CACNA2D1: variants seen among roughly 807,000 people sequenced by gnomAD.
The protein encoded by CACNA2D1 is voltage-dependent calcium channel subunit alpha-2/delta-1.
CACNA2D1 carries 53 observed loss-of-function variants against 171.5 expected under a neutral mutation model. The ratio of observed to expected loss-of-function variants is 0.31; its 90% confidence interval spans 0.25 to 0.39. The LOEUF (loss-of-function observed/expected upper bound fraction) is 0.39, where lower values mean the gene tolerates loss of function less well. Ranked by LOEUF, CACNA2D1 falls within the 10% of genes least tolerant of loss-of-function variation. CACNA2D1 has a pLI of 1.00. For synonymous variants in CACNA2D1, 442 were observed against 443.1 expected (o/e 1.00, Z 0.03); for missense variants, 903 against 1,299.8 (o/e 0.69, Z 4.69).
chr7:82,443,664 A>AC lies in CACNA2D1; in HGVS notation c.-206dup. The AC allele has an allele frequency of 7.8e-7, 1 of 1,274,964 alleles. No individual in the cohort carries two copies. The highest frequency in any genetic ancestry group is 3.1e-5 in the South Asian group (1 of 31,912). The allele number at this position is 1,274,964 out of a possible 1,614,324, so 79.0% of individuals were successfully genotyped here. A position where few individuals can be genotyped will look rare whatever the true frequency, so the allele number is the denominator to read the frequency against. ...CCGAGGAAGGGGCGGTGGCGGGCGG[A>AC]CCCACTAGCGTGCGTCGGCTGCTCC... On this transcript the variant is annotated 5_prime_UTR_variant, in exon 1 of 39. Coordinates refer to ENST00000356860, the MANE Select transcript of CACNA2D1 (RefSeq NM_000722.4).
At chr7:82,314,895 C>T (rs747251658) in intron 3 of CACNA2D1, among the ~76,000 whole-genome samples, 52 of 152,010 alleles carry the variant, frequency 3.4e-4, no homozygotes, top group Admixed American at 8.5e-4. Flanking sequence ...TTTACCACCC[C>T]ATATCATATC....
chr7:82,095,856 A>T (rs73381512), intron 6 of CACNA2D1, among the ~76,000 whole-genome samples: 2 of 152,154 alleles, frequency 1.3e-5, no homozygotes, highest in Non-Finnish European at 2.9e-5. Context: ...CATCCATTCA[A>T]ATGTCCATTT....
At chr7:82,241,444 T>G (rs78902771) in intron 3 of CACNA2D1, among the ~76,000 whole-genome samples, 1,945 of 152,294 alleles carry the variant, frequency 0.013, 82 homozygotes, top group East Asian at 0.11. Context: ...TTTTCAGACC[T>G]GCTTAAGGTC....
intron 3 of CACNA2D1, among the ~76,000 whole-genome samples, chr7:82,264,844 C>T (rs1043062234): frequency 6.6e-6 from 1 of 152,140 alleles, no homozygotes; most frequent in Non-Finnish European, 1.5e-5. Context: ...TTTACAAATA[C>T]ACACTTACAG....
At chr7:82,070,560 A>G (rs960034230) in intron 7 of CACNA2D1, among the ~76,000 whole-genome samples, 23 of 152,212 alleles carry the variant, frequency 1.5e-4, no homozygotes, top group African/African-American at 5.1e-4. Flanking sequence ...AAGGGCATCC[A>G]GGACATTGGG....
At chr7:82,343,718 A>T (rs1049346206) in intron 2 of CACNA2D1, among the ~76,000 whole-genome samples, 2 of 152,198 alleles carry the variant, frequency 1.3e-5, no homozygotes, top group African/African-American at 4.8e-5. Flanking sequence ...CTGAAGCTAT[A>T]TATAAATTTG....
chr7:82,139,834 G>T (rs1049498597), intron 4 of CACNA2D1, among the ~76,000 whole-genome samples: 1 of 150,738 alleles, frequency 6.6e-6, no homozygotes. Flanking sequence ...GCCCAGGCTG[G>T]AGTGCAATGG....
chr7:82,068,899 A>G (rs1183253322), intron 7 of CACNA2D1, among the ~76,000 whole-genome samples: 1 of 152,090 alleles, frequency 6.6e-6, no homozygotes, highest in Non-Finnish European at 1.5e-5. Flanking sequence ...TATATCTTTA[A>G]GGAAAGAAAA....
At chr7:82,045,901 C>T (rs1479677212) in intron 10 of CACNA2D1, among the ~76,000 whole-genome samples, 3 of 152,092 alleles carry the variant, frequency 2.0e-5, no homozygotes, top group African/African-American at 4.8e-5. Flanking sequence ...CAACCCCAAG[C>T]GCAAATTCCC....
intron 3 of CACNA2D1, among the ~76,000 whole-genome samples, chr7:82,176,985 T>C (rs1179542735): frequency 6.6e-6 from 1 of 150,424 alleles, no homozygotes; most frequent in Non-Finnish European, 1.5e-5. Flanking sequence ...ACTGCTTCTA[T>C]CATGATGCAA....
chr7:82,132,874 C>T (rs1430500015), intron 5 of CACNA2D1, among the ~76,000 whole-genome samples: 3 of 152,152 alleles, frequency 2.0e-5, no homozygotes, highest in African/African-American at 4.8e-5. Flanking sequence ...CTAAAGCACT[C>T]TGAGCTTGTC....
intron 3 of CACNA2D1, among the ~76,000 whole-genome samples, chr7:82,176,741 T>G (rs1796575160): frequency 6.6e-6 from 1 of 151,750 alleles, no homozygotes; most frequent in Admixed American, 6.6e-5. Flanking sequence ...ATTCAATAAA[T>G]ATTTACTAAG....
chr7:81,971,343 G>A (rs1325128747), intron 26 of CACNA2D1, among the ~76,000 whole-genome samples: 2 of 151,558 alleles, frequency 1.3e-5, no homozygotes, highest in African/African-American at 2.4e-5. Flanking sequence ...TTCATTATGA[G>A]GTAGAGAAGA....
chr7:82,141,382 A>G lies in CACNA2D1; in HGVS notation c.355-4706T>C, dbSNP rs568560612. On this transcript the variant is annotated intron_variant, in intron 4 of 38. Coordinates refer to ENST00000356860, the MANE Select transcript of CACNA2D1 (RefSeq NM_000722.4). The stretch of plus-strand genomic sequence containing the variant: ...AATTAGGGGAGGAAATTTAAAAAAA[A>G]AAATGAAGTTAAATGCCTTAAGTGG... 7.8e-4 allele frequency among the ~76,000 whole-genome samples: 118 copies of G among 152,188 alleles called. 1 individual carries two copies. The highest frequency in any genetic ancestry group is 2.7e-3 in the African/African-American group (114 of 41,502).
chr7:82,209,092 A>G (rs1215894298), intron 3 of CACNA2D1, among the ~76,000 whole-genome samples: 1 of 151,768 alleles, frequency 6.6e-6, no homozygotes, highest in African/African-American at 2.4e-5. Context: ...ACACATTCCA[A>G]TTCACACACA....
intron 11 of CACNA2D1, among the ~76,000 whole-genome samples, chr7:82,037,423 G>A (rs1441912973): frequency 5.3e-5 from 8 of 152,012 alleles, no homozygotes; most frequent in African/African-American, 1.7e-4. Flanking sequence ...AGGTTGCAAC[G>A]AGCCAAGATC....
chr7:82,405,442 T>C (rs1270323748), intron 1 of CACNA2D1, among the ~76,000 whole-genome samples: 1 of 152,182 alleles, frequency 6.6e-6, no homozygotes, highest in Admixed American at 6.6e-5. Flanking sequence ...GAGAAATTAC[T>C]TTACTTCTAA....
intron 10 of CACNA2D1, among the ~76,000 whole-genome samples, chr7:82,051,817 GCTCCTA>G (rs1805226689): frequency 6.6e-6 from 1 of 152,164 alleles, no homozygotes; most frequent in Non-Finnish European, 1.5e-5. Flanking sequence ...TTGAATTGCT[GCTCCTA>G]TCATCTACCA....
chr7:82,132,987 C>T (rs1791177994), intron 5 of CACNA2D1, among the ~76,000 whole-genome samples: 1 of 152,056 alleles, frequency 6.6e-6, no homozygotes, highest in Non-Finnish European at 1.5e-5. Flanking sequence ...TGAATGATGT[C>T]ACAAGGATCA....
Sources: gnomAD v4.1 joint callset for allele counts (sites outside exome capture counted in the v4.1 genomes callset) on GRCh38, gnomAD v4.1.1 for gene constraint, MANE v1.5 for transcripts, NCBI Gene and HGNC (gene_info 2026-07-23, HGNC 2026-07-21) for gene names.